KIF26B: variants seen among roughly 807,000 people sequenced by gnomAD.
KIF26B encodes kinesin-like protein KIF26B.
KIF26B carries 63 observed loss-of-function variants against 151.2 expected under a neutral mutation model. That is an observed-to-expected ratio of 0.42 (90% CI 0.34 to 0.51). KIF26B has a LOEUF of 0.51. KIF26B is among the 20% of genes least tolerant of loss of function. The pLI is 0.07. For missense variants in KIF26B, 2,813 were observed against 2,913.6 expected, an observed-to-expected ratio of 0.97 and a Z score of 0.79; for synonymous variants, 1,357 against 1,262.1, an observed-to-expected ratio of 1.08 and a Z score of -1.59.
In KIF26B at chr1:245,267,393, C is replaced by T. The variant is rs147663015; in HGVS notation, c.466-99441C>T. On this transcript the variant is annotated intron_variant, in intron 2 of 14. Transcript: ENST00000407071. The stretch of plus-strand genomic sequence containing the variant: ...ACAAGCCCAGCATTGCGAAGTACAC[C>T]GTAGAGCAGAGGACTAATCTGTGGA... 3.4e-3 allele frequency among the ~76,000 whole-genome samples: 516 copies of T among 152,198 alleles called. 1 individual carries two copies. Among genetic ancestry groups the T allele is most frequent in the Non-Finnish European group, 5.9e-3 (399 of 68,020 alleles).
chr1:245,540,735 T>C lies in KIF26B; in HGVS notation c.1167-32T>C. The stretch of plus-strand genomic sequence containing the variant: ...CCTAGCAGATCTGATCGTACAATCA[T>C]TTTCCCCTTATTGTTCCTTTTTCCA... On this transcript the variant is annotated intron_variant, in intron 4 of 14. Coordinates refer to ENST00000407071, the MANE Select transcript of KIF26B (RefSeq NM_018012.4). This position sits in a 1 kb window ranked among gnomAD's most constrained non-coding sequence, Gnocchi z 4.6. 1.9e-6 allele frequency: 3 copies of C among 1,579,188 alleles called. No homozygotes were observed. The highest frequency in any genetic ancestry group is 2.6e-6 in the Non-Finnish European group (3 of 1,148,276).
intron 10 of KIF26B, among the ~76,000 whole-genome samples, chr1:245,677,111 A>C (rs2147945831): frequency 6.6e-6 from 1 of 152,296 alleles, no homozygotes; most frequent in East Asian, 1.9e-4. Context: ...ATAGTTCAAG[A>C]CCTCTGCCAA....
rs1668684079 is a variant in KIF26B, at chr1:245,170,042, T to C, written c.465+13359T>C. ...TGTACCAAGTAGATTTCTGGTGTTTTGAAAAAAAAAATCACCCGTCCACTG... is the reference window on the plus strand; with the variant it reads ...TGTACCAAGTAGATTTCTGGTGTTTCGAAAAAAAAAATCACCCGTCCACTG... On this transcript the variant is annotated intron_variant, in intron 2 of 14. Coordinates refer to ENST00000407071, the MANE Select transcript of KIF26B (RefSeq NM_018012.4). The surrounding 1 kb of genome is among the most constrained non-coding windows in gnomAD (Gnocchi z 4.4). Among the ~76,000 whole-genome samples the C allele has an allele frequency of 6.6e-6, 1 of 151,816 alleles. No homozygotes were observed. The highest frequency in any genetic ancestry group is 2.4e-5 in the African/African-American group (1 of 41,312).
At chr1:245,425,242 G>A (rs750820387) in intron 4 of KIF26B, among the ~76,000 whole-genome samples, 80 of 152,304 alleles carry the variant, frequency 5.3e-4, no homozygotes, top group Admixed American at 9.2e-4. Context: ...TGAAACCCTA[G>A]CTTTGTAGGT....
At chr1:245,669,152 C>T (rs2044252833) in intron 10 of KIF26B, among the ~76,000 whole-genome samples, 1 of 152,180 alleles carries the variant, frequency 6.6e-6, no homozygotes, top group African/African-American at 2.4e-5. Flanking sequence ...AAGTTTTCCC[C>T]AGCCAATGAC....
intron 2 of KIF26B, among the ~76,000 whole-genome samples, chr1:245,276,520 C>G (rs1366243052): frequency 6.6e-6 from 1 of 152,186 alleles, no homozygotes; most frequent in Non-Finnish European, 1.5e-5. Context: ...ATCCCTTGAC[C>G]TGGCGCCCTT....
Position 245,602,639 on chromosome 1 carries a change from C to G in KIF26B, c.1413C>G (p.Phe471Leu), listed in dbSNP as rs1177994540. Reference protein sequence around the residue: ...LARDTSESSSFLKVDPRKKQI... With the variant: ...LARDTSESSSLLKVDPRKKQI... ...GAGATACTTCAGAATCCAGCTCTTT[C>G]TTAAAGGTGGACCCACGGAAGAAGC... The change falls in exon 6 of 15, where the codon TTC (phenylalanine) becomes TTG (leucine). Residue 471 changes from phenylalanine to leucine, a missense_variant. Physicochemically the swap from Phe to Leu is conservative, Grantham distance 22. Around this residue, in one of 3 missense-constraint regions of KIF26B, gnomAD observed 676 missense variants for 688.1 expected, o/e 0.98. Coordinates refer to ENST00000407071, the MANE Select transcript of KIF26B (RefSeq NM_018012.4). This position sits in a 1 kb window ranked among gnomAD's most constrained non-coding sequence, Gnocchi z 4.5. 1 of 1,613,938 alleles carries G rather than the reference C, an allele frequency of 6.2e-7. No individual in the cohort carries two copies. Among genetic ancestry groups the G allele is most frequent in the East Asian group, 2.2e-5 (1 of 44,894 alleles).
chr1:245,642,171 C>T (rs2043898948), intron 9 of KIF26B, among the ~76,000 whole-genome samples: 1 of 152,160 alleles, frequency 6.6e-6, no homozygotes, highest in South Asian at 2.1e-4. Context: ...GTCCTAGTTT[C>T]CCAGACAAGT....
intron 5 of KIF26B, among the ~76,000 whole-genome samples, chr1:245,590,907 AAAAAAAG>A (rs1438698502): frequency 4.6e-5 from 6 of 130,954 alleles, no homozygotes; most frequent in African/African-American, 8.9e-5. Flanking sequence ...TCCTGTCTCA[AAAAAAAG>A]AAAAAAAAAA....
intron 2 of KIF26B, among the ~76,000 whole-genome samples, chr1:245,240,798 T>C (rs911517249): frequency 2.0e-5 from 3 of 152,176 alleles, no homozygotes; most frequent in African/African-American, 7.2e-5. Flanking sequence ...TACAGGGACC[T>C]GCCAGAGGGA....
At chr1:245,353,919 A>C (rs1041568713) in intron 2 of KIF26B, 1 of 152,616 alleles carries the variant, frequency 6.6e-6, no homozygotes, top group Non-Finnish European at 1.5e-5. Context: ...CCTCACAGGT[A>C]GGTCTTGGAG....
At chr1:245,458,054 G>C (rs573095184) in intron 4 of KIF26B, among the ~76,000 whole-genome samples, 1 of 152,290 alleles carries the variant, frequency 6.6e-6, no homozygotes, top group Non-Finnish European at 1.5e-5. Flanking sequence ...ATATTTGTGA[G>C]TGCTTCCTAT....
Position 245,533,270 on chromosome 1 carries a change from G to A in KIF26B, c.1167-7497G>A, listed in dbSNP as rs79599477. 7.5e-3 allele frequency among the ~76,000 whole-genome samples: 1,135 copies of A among 152,252 alleles called. 15 individuals carry two copies. The highest frequency in any genetic ancestry group is 0.026 in the African/African-American group (1,069 of 41,556). On this transcript the variant is annotated intron_variant, in intron 4 of 14. Coordinates refer to ENST00000407071, the MANE Select transcript of KIF26B (RefSeq NM_018012.4). ...CTGGATTGTCCTTTACATGCTGACA[G>A]GGGAGACTGTCCATCTGCCACCCCT...
chr1:245,658,962 T>A (rs954336888), intron 10 of KIF26B, among the ~76,000 whole-genome samples: 1 of 152,016 alleles, frequency 6.6e-6, no homozygotes, highest in African/African-American at 2.4e-5. Context: ...GCACATGCAG[T>A]GGCTCACACT....
intron 2 of KIF26B, among the ~76,000 whole-genome samples, chr1:245,225,704 C>T (rs1201578574): frequency 3.3e-5 from 5 of 152,190 alleles, no homozygotes. Context: ...ATTCCCCTTT[C>T]CTCGGTCCGT....
intron 2 of KIF26B, among the ~76,000 whole-genome samples, chr1:245,337,519 TGTGTGTGTGTGTGTG>T (rs1265960480): frequency 4.2e-4 from 1 of 2,354 alleles, no homozygotes; most frequent in South Asian, 0.033. Context: ...ACTTAGGAAA[TGTGTGTGTGTGTGTG>T]TGTGTGTGTG....
Position 245,443,508 on chromosome 1 carries a change from C to T in KIF26B, c.1166+23763C>T, listed in dbSNP as rs1169864953. On this transcript the variant is annotated intron_variant, in intron 4 of 14. Transcript: ENST00000407071. ...CATCTAGAGGAGAGGTCATCTCCCT[C>T]ACTGTTCATCCTGCGGTCATCTCCC... Among the ~76,000 whole-genome samples the T allele has an allele frequency of 8.8e-4, 91 of 103,600 alleles. 10 individuals carry two copies. The highest frequency in any genetic ancestry group is 1.8e-3 in the Non-Finnish European group (86 of 48,584). 68.0% of individuals were successfully genotyped at this position (103,600 alleles called of 152,430 possible).
At chr1:245,559,956 A>C (rs2042926509) in intron 5 of KIF26B, among the ~76,000 whole-genome samples, 2 of 151,686 alleles carry the variant, frequency 1.3e-5, no homozygotes, top group Non-Finnish European at 2.9e-5. Flanking sequence ...CATGTTACCG[A>C]CGTGCCTCCC....
At chr1:245,169,078 G>C (rs1024520017) in intron 2 of KIF26B, among the ~76,000 whole-genome samples, 25 of 152,148 alleles carry the variant, frequency 1.6e-4, no homozygotes, top group African/African-American at 3.6e-4. Flanking sequence ...CTTTGGAGCA[G>C]AGTGGAGAAC....
Sources: allele counts gnomAD v4.1 joint callset (sites outside exome capture counted in the v4.1 genomes callset), GRCh38; gene constraint gnomAD v4.1.1; regional missense constraint gnomAD v4.1.1; non-coding constraint Gnocchi (gnomAD v3.1); transcripts MANE v1.5; gene names NCBI Gene and HGNC (gene_info 2026-07-23, HGNC 2026-07-21).